Variants in AGBL4 observed in about 807,000 individuals in gnomAD.
AGBL4 encodes AGBL carboxypeptidase 4.
In AGBL4, 58 loss-of-function variants were observed where a neutral mutation model predicts 66.4. The observed-to-expected ratio is 0.87, with a 90% CI of 0.71 to 1.09. The LOEUF (loss-of-function observed/expected upper bound fraction) is 1.09. Among genes scored for constraint, AGBL4 ranks in the 50% least tolerant of loss-of-function variants. The probability of loss-of-function intolerance (pLI) is 0.00; values close to 1 mark genes in which losing one functional copy is unlikely to be tolerated. For synonymous variants in AGBL4, 234 were observed against 222.9 expected, an observed-to-expected ratio of 1.05 and a Z score of -0.44; for missense variants, 579 against 631.0, an observed-to-expected ratio of 0.92 and a Z score of 0.88.
chr1:49,578,714 T>C (rs933438770), intron 3 of AGBL4, among the ~76,000 whole-genome samples: 14 of 152,200 alleles, frequency 9.2e-5, no homozygotes, highest in African/African-American at 3.4e-4. Context: ...CATTTCTGGT[T>C]GTATGAAGGA....
chr1:48,952,106 A>C (rs928063124), intron 5 of AGBL4, among the ~76,000 whole-genome samples: 3 of 152,268 alleles, frequency 2.0e-5, no homozygotes, highest in Non-Finnish European at 4.4e-5. Context: ...AAATGTGTTT[A>C]ATGAAAGTTA....
At chr1:48,835,103 G>T (rs1204170919) in intron 6 of AGBL4, among the ~76,000 whole-genome samples, 1 of 152,066 alleles carries the variant, frequency 6.6e-6, no homozygotes, top group East Asian at 1.9e-4. Context: ...AAATGCTCTG[G>T]ATTTAAACTG....
chr1:49,124,081 C>G (rs991333823), intron 4 of AGBL4, among the ~76,000 whole-genome samples: 1 of 152,074 alleles, frequency 6.6e-6, no homozygotes, highest in East Asian at 1.9e-4. Context: ...CAGCTGGAGG[C>G]CTTGGAGGTG....
At chr1:50,011,619 T>C (rs1661540172) in intron 1 of AGBL4, among the ~76,000 whole-genome samples, 1 of 152,156 alleles carries the variant, frequency 6.6e-6, no homozygotes, top group African/African-American at 2.4e-5. Flanking sequence ...TAGCTAAGAT[T>C]TGGAAACAAC....
rs375242643 is a variant in AGBL4, at chr1:49,166,469, T to G, written c.377+79301A>C. Among the ~76,000 whole-genome samples the G allele has an allele frequency of 2.6e-5, 4 of 152,278 alleles. No homozygotes were observed. In the East Asian group the frequency reaches 7.7e-4, roughly 29 times the overall value. On this transcript the variant is annotated intron_variant, in intron 4 of 13. Transcript: ENST00000371839. Reference sequence around the variant, plus strand: ...GGTTTAACTTGGTTCTGTAGCTATCTTAATACTAATTTGTAACCGAGTCTC... The same window carrying G: ...GGTTTAACTTGGTTCTGTAGCTATCGTAATACTAATTTGTAACCGAGTCTC...
chr1:49,755,561 A>G (rs968872420), intron 2 of AGBL4, among the ~76,000 whole-genome samples: 1 of 152,196 alleles, frequency 6.6e-6, no homozygotes, highest in African/African-American at 2.4e-5. Context: ...TTTTTCTTAA[A>G]TAATCATTAT....
chr1:49,397,718 T>C (rs980106797), intron 3 of AGBL4, among the ~76,000 whole-genome samples: 2 of 152,208 alleles, frequency 1.3e-5, no homozygotes, highest in African/African-American at 2.4e-5. Flanking sequence ...TAGCTCCTTC[T>C]CATCAGCATT....
intron 3 of AGBL4, among the ~76,000 whole-genome samples, chr1:49,682,553 A>C (rs956405371): frequency 6.6e-6 from 1 of 152,214 alleles, no homozygotes; most frequent in African/African-American, 2.4e-5. Flanking sequence ...TTGCCCACTC[A>C]TCACAGATTT....
chr1:49,308,838 G>T (rs1381084453), intron 3 of AGBL4, among the ~76,000 whole-genome samples: 1 of 152,070 alleles, frequency 6.6e-6, no homozygotes. Context: ...AATAAAAAGG[G>T]TCATTAACTC....
chr1:49,393,937 T>C (rs1644903067), intron 3 of AGBL4, among the ~76,000 whole-genome samples: 1 of 152,176 alleles, frequency 6.6e-6, no homozygotes, highest in Admixed American at 6.5e-5. Context: ...ATAGGTGATA[T>C]GTGAAAGGCT....
intron 3 of AGBL4, among the ~76,000 whole-genome samples, chr1:49,373,862 G>T (rs1166232636): frequency 6.6e-6 from 1 of 152,074 alleles, no homozygotes; most frequent in Non-Finnish European, 1.5e-5. Flanking sequence ...TTTAAGGGTA[G>T]CCTATCATGA....
intron 3 of AGBL4, among the ~76,000 whole-genome samples, chr1:49,571,706 T>C (rs1444372565): frequency 6.6e-6 from 1 of 152,096 alleles, no homozygotes; most frequent in Non-Finnish European, 1.5e-5. Context: ...TAGTTGTCAG[T>C]TTTTAGTATA....
chr1:49,553,092 T>C (rs1439818883), intron 3 of AGBL4, among the ~76,000 whole-genome samples: 2 of 152,160 alleles, frequency 1.3e-5, no homozygotes, highest in Non-Finnish European at 2.9e-5. Flanking sequence ...AAAAAATATA[T>C]TCAAAAAATA....
intron 3 of AGBL4, among the ~76,000 whole-genome samples, chr1:49,302,648 A>ATTTTATTTTC (rs1644773989): frequency 7.6e-6 from 1 of 130,992 alleles, no homozygotes; most frequent in Admixed American, 7.7e-5. Context: ...ATTTTATTTT[A>ATTTTATTTTC]TTTTATTTTA....
At chr1:48,848,739 A>C (rs1241785599) in intron 6 of AGBL4, among the ~76,000 whole-genome samples, 1 of 152,158 alleles carries the variant, frequency 6.6e-6, no homozygotes, top group Non-Finnish European at 1.5e-5. Flanking sequence ...TATTGTGTCC[A>C]CAAAATGCTG....
chr1:48,800,499 T>C (rs1310671039), intron 6 of AGBL4, among the ~76,000 whole-genome samples: 1 of 152,218 alleles, frequency 6.6e-6, no homozygotes, highest in African/African-American at 2.4e-5. Flanking sequence ...TGTCATTTAG[T>C]TCTGATCTTT....
intron 3 of AGBL4, among the ~76,000 whole-genome samples, chr1:49,285,901 C>A (rs1644395493): frequency 6.6e-6 from 1 of 152,164 alleles, no homozygotes; most frequent in Admixed American, 6.5e-5. Context: ...CGGGCAGAGA[C>A]ACAACCAAAA....
At position 48,619,076 on chromosome 1, in the gene AGBL4, C is replaced by T. The variant is rs145488380; in HGVS notation, c.951+15417G>A. Among the ~76,000 whole-genome samples, 16 of 152,310 alleles carry T rather than the reference C, an allele frequency of 1.1e-4. No individual in the cohort carries two copies. In the East Asian group the frequency reaches 3.1e-3, roughly 29 times the overall value. ...CTGCTGGGCCCCTGGTGAGCATGCC[C>T]ACCCTGCTCTGCACTAGGGTCGTGG... On this transcript the variant is annotated intron_variant, in intron 9 of 13. Transcript: ENST00000371839.
intron 3 of AGBL4, among the ~76,000 whole-genome samples, chr1:49,387,362 T>C (rs1644756480): frequency 6.6e-6 from 1 of 151,968 alleles, no homozygotes; most frequent in South Asian, 2.1e-4. Flanking sequence ...CTCTTGATAA[T>C]CATTTATGCC....
Sources: gnomAD v4.1 joint callset for allele counts (sites outside exome capture counted in the v4.1 genomes callset) on GRCh38, gnomAD v4.1.1 for gene constraint, MANE v1.5 for transcripts, NCBI Gene and HGNC (gene_info 2026-07-23, HGNC 2026-07-21) for gene names.